The following TLL1 variants were observed in gnomAD, a reference collection of about 807,000 sequenced individuals.
TLL1 encodes the protein tolloid-like protein 1.
In TLL1, 49 loss-of-function variants were observed where a neutral mutation model predicts 128.2. The ratio of observed to expected loss-of-function variants is 0.38; its 90% CI spans 0.30 to 0.48. TLL1 has a LOEUF of 0.48. Ranked by LOEUF, TLL1 falls within the 20% of genes least tolerant of loss-of-function variation. The pLI is 0.96. For missense variants in TLL1, 1,123 were observed against 1,242.0 expected, an observed-to-expected ratio of 0.90 and a Z score of 1.44; for synonymous variants, 454 against 418.8, an observed-to-expected ratio of 1.08 and a Z score of -1.03.
rs1560803943 is a variant in TLL1 at position 166,003,403 on chromosome 4, T to C, written c.645T>C (p.Tyr215=). ...TCTTTTATTCCAGATGCTGCTCCTATGTAGGTCGGCGAGGAAATGGACCTC... is the reference window on the plus strand; with the variant it reads ...TCTTTTATTCCAGATGCTGCTCCTACGTAGGTCGGCGAGGAAATGGACCTC... The part of the protein sequence containing the change: ...FTYRPCGCCS[Y]VGRRGNGPQA... The change falls in exon 6 of 21, where the codon TAT becomes TAC. Residue 215 remains tyrosine (Y), a synonymous_variant. Coordinates refer to ENST00000061240, the MANE Select transcript of TLL1 (RefSeq NM_012464.5). 1 of 1,613,982 alleles carries C rather than the reference T, an allele frequency of 6.2e-7. No homozygotes were observed. The highest frequency in any genetic ancestry group is 1.7e-5 in the Admixed American group (1 of 59,994).
intron 1 of TLL1, among the ~76,000 whole-genome samples, chr4:165,896,479 CTTTTTTTTTT>C (rs70955648): frequency 2.5e-4 from 26 of 102,160 alleles, no homozygotes; most frequent in African/African-American, 8.5e-4. Flanking sequence ...AATGGTATTT[CTTTTTTTTTT>C]TTTTTTTTTT....
chr4:166,056,886 C>A (rs1294552572), intron 13 of TLL1, among the ~76,000 whole-genome samples: 1 of 152,122 alleles, frequency 6.6e-6, no homozygotes, highest in African/African-American at 2.4e-5. Flanking sequence ...TACGTTGTTC[C>A]TGCTCCTTTG....
At chr4:165,950,400 T>A (rs1734456947) in intron 1 of TLL1, among the ~76,000 whole-genome samples, 8 of 152,088 alleles carry the variant, frequency 5.3e-5, no homozygotes, top group Admixed American at 3.3e-4. Flanking sequence ...TTGGAAAACT[T>A]GAGCATCATC....
chr4:165,895,126 G>C lies in TLL1; in HGVS notation c.169+21053G>C, dbSNP rs535293278. On this transcript the variant is annotated intron_variant, in intron 1 of 20. Coordinates refer to ENST00000061240, the MANE Select transcript of TLL1 (RefSeq NM_012464.5). ...CCTGGGAAGAACCACACCTGATCTT[G>C]TCAATGCAATAAGTCAAGTTCTAGT... Among the ~76,000 whole-genome samples the C allele has an allele frequency of 1.4e-4, 22 of 152,162 alleles. No homozygotes were observed. The Middle Eastern group carries it at 0.014, about 94-fold the overall frequency.
chr4:165,918,323 C>T (rs1732877084), intron 1 of TLL1, among the ~76,000 whole-genome samples: 1 of 152,142 alleles, frequency 6.6e-6, no homozygotes, highest in African/African-American at 2.4e-5. Flanking sequence ...AGAACACTTA[C>T]AGGCTAAGAA....
At chr4:166,030,531 T>G in intron 9 of TLL1, 1 of 611,360 alleles carries the variant, frequency 1.6e-6, no homozygotes, top group Non-Finnish European at 3.0e-6. Context: ...TTGTCTACTT[T>G]TAGTTTTATT....
At position 165,989,364 on chromosome 4, in the gene TLL1, A is replaced by G; in HGVS notation, c.170-17A>G. 6.4e-7 allele frequency: 1 copy of G among 1,563,014 alleles called. No individual in the cohort carries two copies. Among genetic ancestry groups the G allele is most frequent in the Non-Finnish European group, 8.8e-7 (1 of 1,135,382 alleles). Reference sequence around the variant, plus strand: ...ACGGAAATATTTTACATTTTAATTCAACTTTTCTTTTTTTAGCTGTATTTT... The same window carrying G: ...ACGGAAATATTTTACATTTTAATTCGACTTTTCTTTTTTTAGCTGTATTTT... On this transcript the variant is annotated splice_polypyrimidine_tract_variant and intron_variant, in intron 1 of 20. Transcript: ENST00000061240.
intron 1 of TLL1, among the ~76,000 whole-genome samples, chr4:165,936,204 A>AT (rs1233905061): frequency 1.1e-4 from 14 of 132,338 alleles, no homozygotes; most frequent in African/African-American, 3.9e-4. Context: ...ATATATATAT[A>AT]TATTTTTTTT....
intron 1 of TLL1, among the ~76,000 whole-genome samples, chr4:165,887,331 A>G (rs551277517): frequency 4.6e-5 from 7 of 152,214 alleles, no homozygotes; most frequent in Non-Finnish European, 1.0e-4. Flanking sequence ...GAGTGCTTGC[A>G]TTTGCACCGT....
chr4:165,955,874 A>G (rs553069474), intron 1 of TLL1, among the ~76,000 whole-genome samples: 1 of 152,222 alleles, frequency 6.6e-6, no homozygotes, highest in South Asian at 2.1e-4. Flanking sequence ...TCTATTTTCC[A>G]TAAGTGTTGG....
intron 18 of TLL1, among the ~76,000 whole-genome samples, chr4:166,079,138 A>T (rs1351854309): frequency 6.6e-6 from 1 of 152,162 alleles, no homozygotes; most frequent in Non-Finnish European, 1.5e-5. Flanking sequence ...AGAGGAACTC[A>T]ACTGCTCTCC....
chr4:166,087,636 A>G (rs530833444), intron 18 of TLL1, among the ~76,000 whole-genome samples: 1 of 152,228 alleles, frequency 6.6e-6, no homozygotes, highest in East Asian at 1.9e-4. Flanking sequence ...ATTAAGTGCT[A>G]TCATTTTACT....
intron 19 of TLL1, among the ~76,000 whole-genome samples, chr4:166,097,331 A>G (rs905752044): frequency 2.0e-5 from 3 of 152,136 alleles, no homozygotes; most frequent in Non-Finnish European, 4.4e-5. Context: ...GCTAATTGGT[A>G]TTCCAGCTTT....
Position 166,060,083 on chromosome 4 carries a change from G to T in TLL1, c.1902G>T (p.Trp634Cys), listed in dbSNP as rs1740234011. 1 of 1,613,530 alleles carries T rather than the reference G, an allele frequency of 6.2e-7. No individual in the cohort carries two copies. The highest frequency in any genetic ancestry group is 1.1e-5 in the South Asian group (1 of 91,070). ...ACGGCACCATAACCACCCCTGGCTG[G>T]CCCAAGGAGTACCCTCCTAATAAGA... ...KLNGTITTPG[W>C]PKEYPPNKNC... is the part of the protein sequence containing the mutation. Residue 634 changes from tryptophan (W) to cysteine (C), a missense_variant, in exon 15 of 21, where the codon TGG (tryptophan) becomes TGT (cysteine). Coordinates refer to ENST00000061240, the MANE Select transcript of TLL1 (RefSeq NM_012464.5).
intron 1 of TLL1, among the ~76,000 whole-genome samples, chr4:165,960,756 G>A (rs1283458699): frequency 1.3e-5 from 2 of 151,876 alleles, no homozygotes; most frequent in East Asian, 1.9e-4. Flanking sequence ...ATATAATCCC[G>A]CCTCCCTTCA....
Position 166,052,965 on chromosome 4 carries a change from G to GTGTATGTATATATATATATATATA in TLL1, c.1525-2110_1525-2109insGTATGTATATATATATATATATAT. ...TAAAGACTGAGATAAGAGGTTATGT[G>GTGTATGTATATATATATATATATA]TATATATATATATATATTTGGCCAA... On this transcript the variant is annotated intron_variant, in intron 12 of 20. Transcript: ENST00000061240. Among the ~76,000 whole-genome samples, 20 of 99,648 alleles carry GTGTATGTATATATATATATATATA rather than the reference G, an allele frequency of 2.0e-4. 1 individual carries two copies. The highest frequency in any genetic ancestry group is 4.4e-3 in the Middle Eastern group (1 of 226). The allele number at this position is 99,648 out of a possible 152,430, so 65.4% of individuals were successfully genotyped here. A position where few individuals can be genotyped will look rare whatever the true frequency, so the allele number is the denominator to read the frequency against.
chr4:166,078,877 T>C (rs1741158234), intron 18 of TLL1, among the ~76,000 whole-genome samples: 1 of 152,158 alleles, frequency 6.6e-6, no homozygotes, highest in African/African-American at 2.4e-5. Flanking sequence ...GCTCACTAGA[T>C]CAGTCCAATC....
At chr4:166,081,906 A>G (rs753574586) in intron 18 of TLL1, among the ~76,000 whole-genome samples, 24 of 152,232 alleles carry the variant, frequency 1.6e-4, no homozygotes, top group Non-Finnish European at 3.5e-4. Flanking sequence ...TTTCAGCTTG[A>G]AACATCCCAT....
intron 1 of TLL1, among the ~76,000 whole-genome samples, chr4:165,917,896 C>T (rs1165318835): frequency 2.0e-5 from 3 of 151,998 alleles, no homozygotes; most frequent in Admixed American, 1.3e-4. Context: ...ATGTATAAGG[C>T]CGAATTAGTA....
Sources: allele counts gnomAD v4.1 joint callset (sites outside exome capture counted in the v4.1 genomes callset), GRCh38; gene constraint gnomAD v4.1.1; transcripts MANE v1.5; gene names NCBI Gene and HGNC (gene_info 2026-07-23, HGNC 2026-07-21).